The following GOLGA3 variants were observed in gnomAD, a reference collection of about 807,000 sequenced individuals.
GOLGA3 encodes golgin subfamily A member 3.
In GOLGA3, 75 loss-of-function variants were observed where a neutral mutation model predicts 169.4. The ratio of observed to expected loss-of-function variants is 0.44; its 90% CI spans 0.37 to 0.54. The LOEUF is 0.54. Among genes scored for constraint, GOLGA3 ranks in the 20% least tolerant of loss-of-function variants. The probability of loss-of-function intolerance (pLI) is 0.00; values close to 1 mark genes in which losing one functional copy is unlikely to be tolerated. For synonymous variants in GOLGA3, 824 were observed against 822.4 expected (o/e 1.00, Z -0.03); for missense variants, 1,899 against 1,930.0 (o/e 0.98, Z 0.30).
At chr12:132,828,882 C>A (rs1272240845), upstream of GOLGA3, 1 of 152,244 alleles carries the variant, frequency 6.6e-6, no homozygotes, top group Non-Finnish European at 1.5e-5. Context: ...GCGGGGCGAG[C>A]GGTGCATCGG....
rs202128958 is a variant in GOLGA3, at chr12:132,796,519, G to A, written c.2100+20C>T. On this transcript the variant is annotated intron_variant, in intron 10 of 23. Transcript: ENST00000450791. ...ATCACCTGGGGCCTGGGTCCAGCCT[G>A]AAGGGCTGCAGGGACTTACCTGCTC... 1 of 1,601,558 alleles carries A rather than the reference G, an allele frequency of 6.2e-7. No homozygotes were observed. Among genetic ancestry groups the A allele is most frequent in the East Asian group, 2.2e-5 (1 of 44,860 alleles).
rs200127252 is a variant in GOLGA3 at position 132,775,155 on chromosome 12, C to T, written c.4129G>A (p.Gly1377Ser). 20 of 1,613,544 alleles carry T rather than the reference C, an allele frequency of 1.2e-5. No individual in the cohort carries two copies. Among genetic ancestry groups the T allele is most frequent in the Admixed American group, 1.7e-5 (1 of 59,986 alleles). ...NQQLKLDLRR[G>S]AAKTRKEPKG... ...GGCCTGAGTACCGTCTTGGCCGCGC[C>T]GCGGCGTAGGTCCAGCTTGAGCTGC... The change falls in exon 22 of 24, where the codon GGC (glycine) becomes AGC (serine). Residue 1377 changes from glycine to serine, a missense_variant. Gly to Ser is a moderately conservative substitution (Grantham distance 56). Transcript: ENST00000450791.
chr12:132,787,788 G>A lies in GOLGA3; in HGVS notation c.2812-1001C>T, dbSNP rs1179730519. ...CCGGAGACCACGGGACCCCTCCCCG[G>A]AGACCACGGGACCCCTCCCCGGAGA... On this transcript the variant is annotated intron_variant, in intron 13 of 23. Coordinates refer to ENST00000450791, the MANE Select transcript of GOLGA3 (RefSeq NM_001389683.1). Among the ~76,000 whole-genome samples the A allele has an allele frequency of 2.4e-4, 11 of 46,058 alleles. 2 individuals carry two copies. Among genetic ancestry groups the A allele is most frequent in the Non-Finnish European group, 3.2e-4 (7 of 21,832 alleles). 30.2% of individuals were successfully genotyped at this position (46,058 alleles called of 152,430 possible).
rs186804491 is a variant in GOLGA3 at position 132,800,104 on chromosome 12, C to A, written c.1801-1627G>T. 4.3e-4 allele frequency among the ~76,000 whole-genome samples: 65 copies of A among 152,302 alleles called. 2 individuals carry two copies. Among genetic ancestry groups the A allele is most frequent in the Admixed American group, 4.2e-3 (64 of 15,292 alleles). On this transcript the variant is annotated intron_variant, in intron 8 of 23. Transcript: ENST00000450791. ...TCTTTAAATACCTCATATAAATGCA[C>A]TGCAGCTGTAAAAAAGTGTATTAAT...
At chr12:132,828,675 C>T in intron 1 of GOLGA3, 128 bp downstream of exon 1, 1 of 153,014 alleles carries the variant, frequency 6.5e-6, no homozygotes, top group East Asian at 1.9e-4. Flanking sequence ...GGGGCCGTCC[C>T]GCCACGCTGC....
At chr12:132,814,717 G>A (rs946106439) in intron 3 of GOLGA3, among the ~76,000 whole-genome samples, 1 of 152,224 alleles carries the variant, frequency 6.6e-6, no homozygotes, top group Non-Finnish European at 1.5e-5. Context: ...GGCTGGGGGC[G>A]GGTTACCTCA....
chr12:132,790,937 G>GCTA (rs201035796), intron 12 of GOLGA3, among the ~76,000 whole-genome samples: 17,470 of 151,104 alleles, frequency 0.12, 1,345 homozygotes, highest in Non-Finnish European at 0.17. Context: ...TGTAGTCGCA[G>GCTA]CTACTCGGGA....
chr12:132,790,766 G>A (rs2046182209), intron 12 of GOLGA3, among the ~76,000 whole-genome samples: 2 of 151,852 alleles, frequency 1.3e-5, no homozygotes, highest in Admixed American at 1.3e-4. Flanking sequence ...AGTTAAAGAG[G>A]GCCGGGCGCG....
chr12:132,779,718 C>T (rs1015399995), intron 18 of GOLGA3, among the ~76,000 whole-genome samples: 1 of 150,730 alleles, frequency 6.6e-6, no homozygotes, highest in African/African-American at 2.4e-5. Context: ...CATGCACACA[C>T]ACCACAGCCC....
At chr12:132,798,867 C>T (rs1022935736) in intron 8 of GOLGA3, among the ~76,000 whole-genome samples, 21 of 152,216 alleles carry the variant, frequency 1.4e-4, no homozygotes, top group Admixed American at 2.6e-4. Flanking sequence ...CACACCAGGG[C>T]CTGCCCTCAG....
At chr12:132,814,033 T>C (rs548642160) in intron 3 of GOLGA3, among the ~76,000 whole-genome samples, 130 of 149,234 alleles carry the variant, frequency 8.7e-4, no homozygotes, top group African/African-American at 3.1e-3. Context: ...CTTTTTTTTT[T>C]TTTTTTTTGA....
intron 22 of GOLGA3, chr12:132,774,655 T>C: frequency 2.5e-6 from 1 of 395,964 alleles, no homozygotes; most frequent in Non-Finnish European, 4.5e-6. Context: ...GGAATTTCCG[T>C]AAGAAATTAA....
chr12:132,812,229 A>ATTT (rs1156328379), intron 4 of GOLGA3, among the ~76,000 whole-genome samples: 39 of 143,924 alleles, frequency 2.7e-4, no homozygotes, highest in Non-Finnish European at 2.3e-4. Flanking sequence ...ATATATATAT[A>ATTT]TTTTTTTTAA....
intron 15 of GOLGA3, 128 bp downstream of exon 15, chr12:132,786,211 T>G: frequency 6.4e-6 from 4 of 627,598 alleles, no homozygotes; most frequent in Non-Finnish European, 1.1e-5. Context: ...TGAGCGGGAG[T>G]TTAGAGAGTT....
At chr12:132,780,240 C>T (rs549152376) in intron 18 of GOLGA3, among the ~76,000 whole-genome samples, 10 of 152,288 alleles carry the variant, frequency 6.6e-5, no homozygotes, top group East Asian at 1.9e-4. Context: ...TGCACACACA[C>T]GGCAAGCGTA....
chr12:132,825,194 T>C (rs894564062), intron 1 of GOLGA3, among the ~76,000 whole-genome samples: 1 of 152,050 alleles, frequency 6.6e-6, no homozygotes, highest in East Asian at 1.9e-4. Context: ...CGACCGTGTG[T>C]GCCTACGCGT....
intron 18 of GOLGA3, among the ~76,000 whole-genome samples, chr12:132,778,347 G>A (rs539986307): frequency 2.0e-5 from 3 of 152,204 alleles, no homozygotes; most frequent in South Asian, 2.1e-4. Context: ...GGCCGAGGCG[G>A]GTGGATCACG....
In GOLGA3 at chr12:132,808,233, C is replaced by CTGCT. The variant is rs1949519421; in HGVS notation, c.832_835dup (p.Ser279LysfsTer9). The CTGCT allele has an allele frequency of 6.2e-7, 1 of 1,613,954 alleles. No individual in the cohort carries two copies. Among genetic ancestry groups the CTGCT allele is most frequent in the Non-Finnish European group, 8.5e-7 (1 of 1,180,020 alleles). On this transcript the variant is annotated frameshift_variant, in exon 5 of 24. Transcript: ENST00000450791. LOFTEE classifies it high-confidence loss of function. ...GATCTCAGACACAACGGACGCCGCA[C>CTGCT]TGCTTCTGTTCTGCTTCAGGGAACC...
At chr12:132,799,105 T>C (rs1949011453) in intron 8 of GOLGA3, among the ~76,000 whole-genome samples, 2 of 152,192 alleles carry the variant, frequency 1.3e-5, no homozygotes, top group Non-Finnish European at 1.5e-5. Flanking sequence ...TCTAGCTCCA[T>C]GCTGCTTCCT....
Sources: allele counts gnomAD v4.1 joint callset (sites outside exome capture counted in the v4.1 genomes callset), GRCh38; gene constraint gnomAD v4.1.1; transcripts MANE v1.5; gene names NCBI Gene and HGNC (gene_info 2026-07-23, HGNC 2026-07-21).